The following NIBAN1 variants were observed in gnomAD, a reference collection of about 807,000 sequenced individuals.
NIBAN1 encodes the protein protein Niban 1.
NIBAN1 carries 81 observed loss-of-function variants against 75.1 expected under a neutral mutation model. The observed-to-expected ratio is 1.08, with a 90% CI of 0.90 to 1.30. The LOEUF is 1.30. NIBAN1 is among the 50% of genes most tolerant of loss of function. NIBAN1 has a pLI of 0.00. For synonymous variants in NIBAN1, 436 were observed against 424.8 expected (o/e 1.03, Z -0.32); for missense variants, 1,133 against 1,128.1 (o/e 1.00, Z -0.06).
intron 5 of NIBAN1, among the ~76,000 whole-genome samples, chr1:184,840,280 T>C (rs866871358): frequency 6.6e-6 from 1 of 152,218 alleles, no homozygotes; most frequent in African/African-American, 2.4e-5. Context: ...AATTATATTT[T>C]ATAAACTATA....
intron 5 of NIBAN1, among the ~76,000 whole-genome samples, chr1:184,863,863 A>G (rs1234866828): frequency 1.3e-5 from 2 of 152,160 alleles, no homozygotes; most frequent in Non-Finnish European, 2.9e-5. Context: ...ATACTTCTTA[A>G]TTTCCATGAA....
intron 9 of NIBAN1, among the ~76,000 whole-genome samples, chr1:184,811,493 C>G (rs1349827396): frequency 1.4e-5 from 1 of 71,642 alleles, no homozygotes; most frequent in Non-Finnish European, 2.8e-5. Flanking sequence ...CATTGAGGTA[C>G]TTTCTTCCTT....
At chr1:184,971,942 C>T (rs1658947511) in intron 1 of NIBAN1, among the ~76,000 whole-genome samples, 1 of 152,118 alleles carries the variant, frequency 6.6e-6, no homozygotes, top group South Asian at 2.1e-4. Context: ...TAACTAAATC[C>T]TAAGAAACAA....
At chr1:184,808,300 G>A in intron 9 of NIBAN1, 65 bp from the exon 10 acceptor site, 1 of 1,484,416 alleles carries the variant, frequency 6.7e-7, no homozygotes, top group East Asian at 2.3e-5. Flanking sequence ...CATATATATT[G>A]CATATTACAT....
intron 1 of NIBAN1, among the ~76,000 whole-genome samples, chr1:184,961,701 T>C (rs886788046): frequency 2.0e-5 from 3 of 152,204 alleles, no homozygotes; most frequent in African/African-American, 7.2e-5. Context: ...AACCAAATCA[T>C]GATAATTCCA....
chr1:184,948,813 T>C (rs1332505797), intron 1 of NIBAN1, among the ~76,000 whole-genome samples: 11 of 152,152 alleles, frequency 7.2e-5, no homozygotes. Context: ...TGTGTGGATA[T>C]GTTTATATGA....
At chr1:184,945,312 C>T (rs1351762787) in intron 1 of NIBAN1, among the ~76,000 whole-genome samples, 2 of 151,376 alleles carry the variant, frequency 1.3e-5, no homozygotes, top group Non-Finnish European at 2.9e-5. Flanking sequence ...TGGCAGAAAC[C>T]CTCTTAACCA....
chr1:184,893,457 C>G (rs933474706), intron 3 of NIBAN1, among the ~76,000 whole-genome samples: 1 of 152,074 alleles, frequency 6.6e-6, no homozygotes. Flanking sequence ...CATTATCTCA[C>G]TTTCTCCACA....
chr1:184,871,396 C>T (rs962196953), intron 5 of NIBAN1, among the ~76,000 whole-genome samples: 6 of 138,934 alleles, frequency 4.3e-5, no homozygotes, highest in Non-Finnish European at 7.9e-5. Flanking sequence ...GACACAGACA[C>T]ATACATAGGG....
intron 5 of NIBAN1, among the ~76,000 whole-genome samples, chr1:184,863,450 T>TTTTG (rs1655869713): frequency 6.6e-6 from 1 of 152,208 alleles, no homozygotes; most frequent in Non-Finnish European, 1.5e-5. Flanking sequence ...AATTAGTTTT[T>TTTTG]TTTGTTTGTT....
rs570959188 is a variant in NIBAN1 at position 184,959,669 on chromosome 1, A to G, written c.55+14633T>C. On this transcript the variant is annotated intron_variant, in intron 1 of 13. Transcript: ENST00000367511. ...CTTTATTCAAGCAGGCAGTTAAGTT[A>G]CTTGGGATCAGTTTGATCTGTTTGA... Among the ~76,000 whole-genome samples, 7 of 152,304 alleles carry G rather than the reference A, an allele frequency of 4.6e-5. 1 individual carries two copies. The Middle Eastern group carries it at 0.014, about 296-fold the overall frequency.
At chr1:184,823,826 G>A in intron 6 of NIBAN1, 84 bp from the exon 7 acceptor site, 3 of 1,148,154 alleles carry the variant, frequency 2.6e-6, no homozygotes, top group Non-Finnish European at 3.9e-6. Context: ...GTCCTGATTG[G>A]CTGTCCCTGT....
chr1:184,812,097 C>T (rs1012140409), intron 9 of NIBAN1, among the ~76,000 whole-genome samples: 1 of 152,128 alleles, frequency 6.6e-6, no homozygotes, highest in Non-Finnish European at 1.5e-5. Flanking sequence ...CTTGCTCTGG[C>T]CTCCCTGAGC....
intron 3 of NIBAN1, among the ~76,000 whole-genome samples, chr1:184,893,053 T>C (rs1656712530): frequency 6.6e-6 from 1 of 152,212 alleles, no homozygotes; most frequent in Non-Finnish European, 1.5e-5. Flanking sequence ...ATTACAGGCA[T>C]GAGCTACTGC....
intron 1 of NIBAN1, among the ~76,000 whole-genome samples, chr1:184,939,132 T>C (rs1316402811): frequency 1.3e-5 from 2 of 152,252 alleles, no homozygotes; most frequent in Non-Finnish European, 2.9e-5. Flanking sequence ...TATGCACAAA[T>C]GTACTAGAAG....
chr1:184,795,082 C>T lies in NIBAN1; in HGVS notation c.2682G>A (p.Val894=), dbSNP rs892887090. The T allele has an allele frequency of 6.2e-7, 1 of 1,614,100 alleles. No homozygotes were observed. Among genetic ancestry groups the T allele is most frequent in the Non-Finnish European group, 8.5e-7 (1 of 1,180,050 alleles). ...KVARIHECQW[V]VEDAPNPDVL... ...CATCCGGGTTTGGAGCATCCTCCACCACCCACTGACACTCATGAATACGGG... is the reference window on the plus strand; with the variant it reads ...CATCCGGGTTTGGAGCATCCTCCACTACCCACTGACACTCATGAATACGGG... The change falls in exon 14 of 14, where the codon GTG becomes GTA. Residue 894 remains valine, a synonymous_variant. Coordinates refer to ENST00000367511, the MANE Select transcript of NIBAN1 (RefSeq NM_052966.4).
At chr1:184,840,973 GTGTGTA>G (rs1655271579) in intron 5 of NIBAN1, among the ~76,000 whole-genome samples, 1 of 151,528 alleles carries the variant, frequency 6.6e-6, no homozygotes, top group African/African-American at 2.4e-5. Flanking sequence ...GTGTGTGTGT[GTGTGTA>G]TGTGTATTAT....
intron 6 of NIBAN1, among the ~76,000 whole-genome samples, chr1:184,829,476 T>TC (rs1378101243): frequency 6.7e-6 from 1 of 148,222 alleles, no homozygotes; most frequent in African/African-American, 2.5e-5. Flanking sequence ...TTTTTTTTTT[T>TC]TTTTTTTTGA....
At chr1:184,808,367 A>T in intron 9 of NIBAN1, 132 bp from the exon 10 acceptor site, 1 of 860,480 alleles carries the variant, frequency 1.2e-6, no homozygotes, top group South Asian at 1.7e-5. Flanking sequence ...GGATCCCTAC[A>T]TCTGTGACAC....
Sources: allele counts gnomAD v4.1 joint callset (sites outside exome capture counted in the v4.1 genomes callset), GRCh38; gene constraint gnomAD v4.1.1; transcripts MANE v1.5; gene names NCBI Gene and HGNC (gene_info 2026-07-23, HGNC 2026-07-21).